PTPRD: variants seen among roughly 807,000 people sequenced by gnomAD.
The protein encoded by PTPRD is receptor-type tyrosine-protein phosphatase delta.
In PTPRD, 34 loss-of-function variants were observed where a neutral mutation model predicts 214.5. The observed-to-expected ratio is 0.16, with a 90% CI of 0.12 to 0.21. The LOEUF (loss-of-function observed/expected upper bound fraction) is 0.21, where lower values mean the gene tolerates loss of function less well. PTPRD is among the 10% of genes least tolerant of loss of function. PTPRD has a pLI of 1.00. For synonymous variants in PTPRD, 1,128 were observed against 845.7 expected, an observed-to-expected ratio of 1.33 and a Z score of -5.79; for missense variants, 2,545 against 2,398.7, an observed-to-expected ratio of 1.06 and a Z score of -1.27.
chr9:8,956,103 A>C (rs2099130217), intron 11 of PTPRD, among the ~76,000 whole-genome samples: 1 of 151,962 alleles, frequency 6.6e-6, no homozygotes, highest in Non-Finnish European at 1.5e-5. Context: ...CAATCTTTCC[A>C]GCAGCAATAA....
chr9:9,243,373 T>A (rs1030484718), intron 9 of PTPRD, among the ~76,000 whole-genome samples: 5 of 152,114 alleles, frequency 3.3e-5, no homozygotes, highest in African/African-American at 4.8e-5. Context: ...CTGATGAACA[T>A]TGATGCAAAA....
chr9:9,262,314 A>C (rs537885702), intron 9 of PTPRD, among the ~76,000 whole-genome samples: 1 of 150,922 alleles, frequency 6.6e-6, no homozygotes, highest in African/African-American at 2.4e-5. Flanking sequence ...AATATATTTT[A>C]TTTAATCTGG....
At chr9:10,051,785 C>T (rs1355228673) in intron 3 of PTPRD, among the ~76,000 whole-genome samples, 2 of 152,092 alleles carry the variant, frequency 1.3e-5, no homozygotes, top group Non-Finnish European at 2.9e-5. Context: ...TCTTCTTCGA[C>T]GGACACAATT....
intron 8 of PTPRD, among the ~76,000 whole-genome samples, chr9:9,469,986 G>C (rs2094479948): frequency 6.6e-6 from 1 of 152,100 alleles, no homozygotes; most frequent in Non-Finnish European, 1.5e-5. Context: ...GTTACTTCTA[G>C]TAAAAGAAAA....
intron 3 of PTPRD, among the ~76,000 whole-genome samples, chr9:10,221,310 C>T (rs997841296): frequency 2.0e-5 from 3 of 151,914 alleles, no homozygotes; most frequent in Non-Finnish European, 2.9e-5. Context: ...CACACATATA[C>T]GCAAACACAG....
At chr9:8,789,337 G>A (rs769381041) in intron 11 of PTPRD, among the ~76,000 whole-genome samples, 4 of 152,174 alleles carry the variant, frequency 2.6e-5, no homozygotes, top group Admixed American at 6.5e-5. Context: ...TGAAAATGTG[G>A]GACATAAATG....
At chr9:10,380,639 T>C (rs1484407319) in intron 2 of PTPRD, among the ~76,000 whole-genome samples, 2 of 152,066 alleles carry the variant, frequency 1.3e-5, no homozygotes, top group Non-Finnish European at 2.9e-5. Context: ...TTTTATAAAA[T>C]TGAGGCATTA....
In PTPRD at chr9:9,732,031, A is replaced by G. The variant is rs562426281; in HGVS notation, c.-287+2502T>C. 2.1e-3 allele frequency among the ~76,000 whole-genome samples: 324 copies of G among 151,718 alleles called. 1 individual carries two copies. Among genetic ancestry groups the G allele is most frequent in the African/African-American group, 7.3e-3 (302 of 41,522 alleles). On this transcript the variant is annotated intron_variant, in intron 7 of 45. Coordinates refer to ENST00000381196, the MANE Select transcript of PTPRD (RefSeq NM_002839.4). ...TCTTAAAAACAAAGAGTTCAAGGAC[A>G]GGGGGAATCAAACTACAATATTGAA...
intron 2 of PTPRD, among the ~76,000 whole-genome samples, chr9:10,450,031 G>A (rs1659671476): frequency 6.6e-6 from 1 of 151,578 alleles, no homozygotes; most frequent in Non-Finnish European, 1.5e-5. Context: ...TTAAACAGAT[G>A]CTTGAAGGCA....
intron 9 of PTPRD, among the ~76,000 whole-genome samples, chr9:9,233,852 G>A (rs2099964755): frequency 6.6e-6 from 1 of 152,220 alleles, no homozygotes; most frequent in Non-Finnish European, 1.5e-5. Context: ...TTCTGCCCCT[G>A]TGGCTTTGTA....
intron 12 of PTPRD, among the ~76,000 whole-genome samples, chr9:8,710,502 G>C (rs111340605): frequency 0.093 from 14,216 of 152,160 alleles, 790 homozygotes; most frequent in East Asian, 0.16. Flanking sequence ...TATACTCCTA[G>C]CTACTCAGGA....
rs1018181494 is a variant in PTPRD, at chr9:8,779,573, G to A, written c.-103-45627C>T. Among the ~76,000 whole-genome samples the A allele has an allele frequency of 4.6e-5, 7 of 151,936 alleles. No homozygotes were observed. In the East Asian group the frequency reaches 1.4e-3, roughly 29 times the overall value. Reference sequence around the variant, plus strand: ...TACAACTAGGAATAACACTACCAAGGCCCACTCTCTTTCTCTAATTCTCCC... The same window carrying A: ...TACAACTAGGAATAACACTACCAAGACCCACTCTCTTTCTCTAATTCTCCC... On this transcript the variant is annotated intron_variant, in intron 11 of 45. Coordinates refer to ENST00000381196, the MANE Select transcript of PTPRD (RefSeq NM_002839.4).
intron 14 of PTPRD, among the ~76,000 whole-genome samples, chr9:8,585,400 A>C (rs1381899941): frequency 6.6e-6 from 1 of 152,200 alleles, no homozygotes; most frequent in African/African-American, 2.4e-5. Context: ...AACTACACCA[A>C]CTATAGTCAC....
intron 9 of PTPRD, among the ~76,000 whole-genome samples, chr9:9,234,567 T>A (rs899827304): frequency 5.9e-5 from 9 of 152,158 alleles, no homozygotes; most frequent in African/African-American, 1.9e-4. Flanking sequence ...CGGCTGCAAA[T>A]TTTCCAAACT....
intron 14 of PTPRD, among the ~76,000 whole-genome samples, chr9:8,587,962 C>T (rs1477147202): frequency 6.6e-6 from 1 of 152,240 alleles, no homozygotes; most frequent in Non-Finnish European, 1.5e-5. Flanking sequence ...CTGTGCATCT[C>T]AGGCTAAGAA....
chr9:8,752,737 C>T (rs1238066400), intron 11 of PTPRD, among the ~76,000 whole-genome samples: 1 of 152,044 alleles, frequency 6.6e-6, no homozygotes, highest in Admixed American at 6.6e-5. Context: ...AATCATTCCC[C>T]AGAAGACCTG....
intron 9 of PTPRD, among the ~76,000 whole-genome samples, chr9:9,229,751 G>A (rs1296213333): frequency 6.6e-6 from 1 of 151,976 alleles, no homozygotes; most frequent in Non-Finnish European, 1.5e-5. Context: ...TTCAAGGGAA[G>A]AGAAACTACA....
chr9:9,808,190 G>A (rs2046029213), intron 5 of PTPRD, among the ~76,000 whole-genome samples: 1 of 152,106 alleles, frequency 6.6e-6, no homozygotes, highest in South Asian at 2.1e-4. Flanking sequence ...ATGTTTTATA[G>A]GTTATTGGGG....
intron 17 of PTPRD, 26 bp downstream of exon 17, chr9:8,526,601 T>A: frequency 1.5e-5 from 23 of 1,559,596 alleles, no homozygotes; most frequent in Non-Finnish European, 2.0e-5. Context: ...AAGATCATTC[T>A]GTGAACGTTA....
Sources: allele counts gnomAD v4.1 joint callset (sites outside exome capture counted in the v4.1 genomes callset), GRCh38; gene constraint gnomAD v4.1.1; transcripts MANE v1.5; gene names NCBI Gene and HGNC (gene_info 2026-07-23, HGNC 2026-07-21).